The following MPHOSPH8 variants were observed in gnomAD, a reference collection of about 807,000 sequenced individuals.
The protein encoded by MPHOSPH8 is M-phase phosphoprotein, mpp.
MPHOSPH8 carries 45 observed loss-of-function variants against 87.3 expected under a neutral mutation model. The observed-to-expected ratio is 0.52, with a 90% CI of 0.41 to 0.66. MPHOSPH8 has a LOEUF of 0.66. Ranked by LOEUF, MPHOSPH8 falls within the 30% of genes least tolerant of loss-of-function variation. MPHOSPH8 has a pLI of 0.00. For missense variants in MPHOSPH8, 883 were observed against 1,020.2 expected (o/e 0.87, Z 1.83); for synonymous variants, 366 against 376.9 (o/e 0.97, Z 0.33).
At position 19,666,444 on chromosome 13, in the gene MPHOSPH8, C is replaced by G; in HGVS notation, c.2039C>G (p.Ser680Ter). 1.9e-6 allele frequency: 3 copies of G among 1,608,388 alleles called. No homozygotes were observed. Among genetic ancestry groups the G allele is most frequent in the Non-Finnish European group, 2.6e-6 (3 of 1,175,350 alleles). Reference sequence around the variant, plus strand: ...ACGTAGGCCTGTAAAAGAGGAAATTCAGACATCGTACGACTCGTAATTGAA... The same window carrying G: ...ACGTAGGCCTGTAAAAGAGGAAATTGAGACATCGTACGACTCGTAATTGAA... ...ALMKACKRGN[S>*]DIVRLVIECG... Residue 680 changes from serine to a stop codon, truncating the protein, a stop_gained, in exon 10 of 14, where the codon TCA (serine) becomes TGA (stop). Transcript: ENST00000361479. LOFTEE classifies it high-confidence loss of function.
At chr13:19,650,317 T>C in intron 5 of MPHOSPH8, 57 bp downstream of exon 5, 2 of 1,538,764 alleles carry the variant, frequency 1.3e-6, no homozygotes, top group Non-Finnish European at 1.8e-6. Context: ...ATTATTTTAC[T>C]GTACTCTTCT....
At chr13:19,660,033 C>T (rs1875433952) in intron 7 of MPHOSPH8, among the ~76,000 whole-genome samples, 1 of 143,110 alleles carries the variant, frequency 7.0e-6, no homozygotes, top group Admixed American at 7.4e-5. Context: ...GTGATCTCAG[C>T]TCACTGCAAG....
At position 19,666,040 on chromosome 13, in the gene MPHOSPH8, G is replaced by T. The variant is rs568263694; in HGVS notation, c.2020-385G>T. Among the ~76,000 whole-genome samples, 10 of 152,294 alleles carry T rather than the reference G, an allele frequency of 6.6e-5. No homozygotes were observed. The South Asian group carries it at 2.1e-3, about 32-fold the overall frequency. On this transcript the variant is annotated intron_variant, in intron 9 of 13. Transcript: ENST00000361479. Reference sequence around the variant, plus strand: ...TTACGTATCTCTGCGCCTCGCTGAGGGGCTGGCTCACGGGGGACAGCGTGG... The same window carrying T: ...TTACGTATCTCTGCGCCTCGCTGAGTGGCTGGCTCACGGGGGACAGCGTGG...
intron 5 of MPHOSPH8, among the ~76,000 whole-genome samples, chr13:19,654,313 C>T (rs1262579981): frequency 1.3e-5 from 2 of 152,104 alleles, no homozygotes; most frequent in Non-Finnish European, 2.9e-5. Context: ...GAACATCACA[C>T]ACCAGGGCCT....
intron 1 of MPHOSPH8, among the ~76,000 whole-genome samples, chr13:19,637,676 A>C (rs760537924): frequency 7.2e-5 from 11 of 152,182 alleles, no homozygotes; most frequent in Non-Finnish European, 1.2e-4. Flanking sequence ...GCAGTTCTGC[A>C]TACTATTGAC....
chr13:19,667,860 T>C (rs17085481), intron 10 of MPHOSPH8, among the ~76,000 whole-genome samples: 16,429 of 152,226 alleles, frequency 0.11, 1,075 homozygotes, highest in African/African-American at 0.18. Flanking sequence ...ATCAGAAACT[T>C]GCATGTATCA....
chr13:19,652,626 T>C (rs534213338), intron 5 of MPHOSPH8, among the ~76,000 whole-genome samples: 27 of 152,022 alleles, frequency 1.8e-4, no homozygotes, highest in African/African-American at 6.3e-4. Context: ...GGGAGCCAAG[T>C]GGTCTGGCTT....
At chr13:19,642,043 T>TTTG in intron 1 of MPHOSPH8, 72 bp from the exon 2 acceptor site, 1 of 1,038,198 alleles carries the variant, frequency 9.6e-7, no homozygotes, top group South Asian at 3.6e-5. Flanking sequence ...CTCATCAGTT[T>TTTG]TTTTTTTTTT....
At chr13:19,661,944 G>C (rs925934342) in intron 8 of MPHOSPH8, 106 bp downstream of exon 8, 79 of 1,246,152 alleles carry the variant, frequency 6.3e-5, no homozygotes, top group Non-Finnish European at 7.6e-5. Context: ...TGGTCACATC[G>C]CTTTTTTTTT....
chr13:19,655,261 G>A (rs1875090792), intron 5 of MPHOSPH8, among the ~76,000 whole-genome samples: 1 of 152,160 alleles, frequency 6.6e-6, no homozygotes, highest in South Asian at 2.1e-4. Flanking sequence ...GATCACTTGA[G>A]CCCAGGAGTT....
At chr13:19,670,406 A>G in intron 12 of MPHOSPH8, 43 bp downstream of exon 12, 2 of 1,585,398 alleles carry the variant, frequency 1.3e-6, no homozygotes, top group African/African-American at 1.4e-5. Flanking sequence ...ACATTCTTCT[A>G]ATCAAAAGCA....
chr13:19,652,931 C>T (rs777720821), intron 5 of MPHOSPH8, among the ~76,000 whole-genome samples: 1 of 152,174 alleles, frequency 6.6e-6, no homozygotes, highest in East Asian at 1.9e-4. Flanking sequence ...CAGCCACAGT[C>T]AGGGTCTTGT....
intron 2 of MPHOSPH8, among the ~76,000 whole-genome samples, 172 bp downstream of exon 2, chr13:19,642,442 C>T (rs937255508): frequency 6.6e-6 from 1 of 152,068 alleles, no homozygotes; most frequent in East Asian, 1.9e-4. Flanking sequence ...TTGCTGGGTT[C>T]TTCTTTCTGT....
intron 5 of MPHOSPH8, among the ~76,000 whole-genome samples, chr13:19,658,161 G>A (rs573292216): frequency 1.3e-5 from 2 of 152,312 alleles, no homozygotes; most frequent in African/African-American, 4.8e-5. Flanking sequence ...GTTAGTTTGA[G>A]TTGAGGGCTT....
intron 2 of MPHOSPH8, among the ~76,000 whole-genome samples, chr13:19,642,483 G>C (rs1176902473): frequency 6.6e-6 from 1 of 152,166 alleles, no homozygotes; most frequent in Non-Finnish European, 1.5e-5. Flanking sequence ...TGACAAACAA[G>C]AATAGTTTGG....
chr13:19,640,420 C>A (rs905367150), intron 1 of MPHOSPH8, among the ~76,000 whole-genome samples: 2 of 152,128 alleles, frequency 1.3e-5, no homozygotes, highest in East Asian at 3.8e-4. Context: ...AGGAGGCAGG[C>A]CCTGCTGTAG....
intron 1 of MPHOSPH8, among the ~76,000 whole-genome samples, chr13:19,634,571 CTCT>C (rs940828974): frequency 1.3e-4 from 20 of 152,302 alleles, no homozygotes; most frequent in Admixed American, 3.3e-4. Context: ...GTTCTCTGCC[CTCT>C]TCTTCTGGTG....
chr13:19,640,688 T>C (rs1464555260), intron 1 of MPHOSPH8, among the ~76,000 whole-genome samples: 2 of 152,102 alleles, frequency 1.3e-5, no homozygotes, highest in African/African-American at 4.8e-5. Flanking sequence ...ACCCTGGAAA[T>C]GGCTAGGTTT....
At chr13:19,648,577 C>G in intron 4 of MPHOSPH8, 56 bp downstream of exon 4, 5 of 756,226 alleles carry the variant, frequency 6.6e-6, no homozygotes, top group Non-Finnish European at 9.5e-6. Context: ...ATACAAATAA[C>G]CAGTTACCTA....
Sources: allele counts gnomAD v4.1 joint callset (sites outside exome capture counted in the v4.1 genomes callset), GRCh38; gene constraint gnomAD v4.1.1; transcripts MANE v1.5; gene names NCBI Gene and HGNC (gene_info 2026-07-23, HGNC 2026-07-21).